Variants in SAE1 observed in about 807,000 individuals in gnomAD.
SAE1 encodes the protein SUMO-activating enzyme subunit 1.
A neutral mutation model predicts 40.6 loss-of-function variants in SAE1; 11 were observed. The ratio of observed to expected loss-of-function variants is 0.27; its 90% CI spans 0.17 to 0.45. The LOEUF (loss-of-function observed/expected upper bound fraction) is 0.45. Among genes scored for constraint, SAE1 ranks in the 20% least tolerant of loss-of-function variants. The pLI, the probability that SAE1 is intolerant of heterozygous loss-of-function variation, is 1.00. For synonymous variants in SAE1, 155 were observed against 154.3 expected (o/e 1.00, Z -0.03); for missense variants, 373 against 427.3 (o/e 0.87, Z 1.12).
chr19:47,136,738 C>T (rs1304696239), intron 1 of SAE1, among the ~76,000 whole-genome samples: 1 of 152,132 alleles, frequency 6.6e-6, no homozygotes, highest in African/African-American at 2.4e-5. Flanking sequence ...GATCCGCCCG[C>T]CTTGGCCTCC....
intron 5 of SAE1, among the ~76,000 whole-genome samples, chr19:47,159,936 C>T (rs899109947): frequency 1.3e-5 from 2 of 152,170 alleles, no homozygotes. Flanking sequence ...TCAAGTGATC[C>T]GCCCACTTTG....
chr19:47,179,973 T>C (rs2058496212), intron 6 of SAE1, among the ~76,000 whole-genome samples: 1 of 152,182 alleles, frequency 6.6e-6, no homozygotes, highest in African/African-American at 2.4e-5. Context: ...GTTTTCTTAT[T>C]GTCAGAAAAG....
intron 8 of SAE1, among the ~76,000 whole-genome samples, chr19:47,208,681 T>C (rs1179951092): frequency 6.6e-6 from 1 of 152,186 alleles, no homozygotes; most frequent in African/African-American, 2.4e-5. Context: ...CACTTCAGCC[T>C]CCCAGAGTGC....
chr19:47,182,144 C>T (rs965824721), intron 6 of SAE1, among the ~76,000 whole-genome samples: 1 of 152,056 alleles, frequency 6.6e-6, no homozygotes, highest in African/African-American at 2.4e-5. Flanking sequence ...CATTCACACT[C>T]CCAACTTTCC....
Position 47,160,388 on chromosome 19 carries a change from A to T in SAE1, c.627+5175A>T, listed in dbSNP as rs867201171. 3.3e-4 allele frequency among the ~76,000 whole-genome samples: 25 copies of T among 75,108 alleles called. 1 individual carries two copies. The highest frequency in any genetic ancestry group is 4.0e-4 in the Non-Finnish European group (15 of 37,630). 49.3% of individuals were successfully genotyped at this position (75,108 alleles called of 152,430 possible). ...AGGTGCGCGCCACCACGCCCAGCTA[A>T]TTTTTTTTTTTTTTTTTTTTTTTTG... On this transcript the variant is annotated intron_variant, in intron 5 of 8. Coordinates refer to ENST00000270225, the MANE Select transcript of SAE1 (RefSeq NM_005500.3).
chr19:47,177,963 C>A (rs1264433832), intron 6 of SAE1, among the ~76,000 whole-genome samples: 1 of 152,060 alleles, frequency 6.6e-6, no homozygotes, highest in African/African-American at 2.4e-5. Context: ...CAGAATCTGG[C>A]CAGGCGCGGT....
At chr19:47,138,770 C>G (rs928270569) in intron 1 of SAE1, among the ~76,000 whole-genome samples, 2 of 152,118 alleles carry the variant, frequency 1.3e-5, no homozygotes, top group Non-Finnish European at 2.9e-5. Flanking sequence ...ATCACTTGAG[C>G]CAGGCAATTG....
rs1343677349 is a variant in SAE1, at chr19:47,209,580, T to C, written c.*329T>C. ...TATGCTGTCCCGGCCTCGCCAGCCC[T>C]CTGGGGCATTGTGGGAGATGCCTGC... On this transcript the variant is annotated 3_prime_UTR_variant, in exon 9 of 9. Transcript: ENST00000270225. 5.3e-6 allele frequency: 2 copies of C among 377,994 alleles called. No homozygotes were observed. Among genetic ancestry groups the C allele is most frequent in the Non-Finnish European group, 9.5e-6 (2 of 210,556 alleles). 23.4% of individuals were successfully genotyped at this position (377,994 alleles called of 1,614,324 possible). A position where few individuals can be genotyped will look rare whatever the true frequency, so the allele number is the denominator to read the frequency against.
At chr19:47,142,023 C>T (rs565165351) in intron 1 of SAE1, among the ~76,000 whole-genome samples, 1 of 152,140 alleles carries the variant, frequency 6.6e-6, no homozygotes, top group Non-Finnish European at 1.5e-5. Context: ...TCAGAGAAGT[C>T]TTGGGATGGC....
chr19:47,176,352 G>A (rs754321335), intron 6 of SAE1, among the ~76,000 whole-genome samples: 4 of 152,190 alleles, frequency 2.6e-5, no homozygotes, highest in Non-Finnish European at 5.9e-5. Context: ...TGTGACTGAC[G>A]ATGCCTTAGG....
At chr19:47,172,019 AAC>A (rs1426013195) in intron 6 of SAE1, among the ~76,000 whole-genome samples, 1 of 152,048 alleles carries the variant, frequency 6.6e-6, no homozygotes, top group Non-Finnish European at 1.5e-5. Flanking sequence ...TCCCGGTTCA[AAC>A]AGTTTCCCCG....
At chr19:47,173,130 G>C (rs558268440) in intron 6 of SAE1, among the ~76,000 whole-genome samples, 2 of 152,234 alleles carry the variant, frequency 1.3e-5, no homozygotes, top group South Asian at 4.2e-4. Flanking sequence ...CTGGGTTCGA[G>C]CGATTCTACA....
At chr19:47,172,170 C>T (rs1600183955) in intron 6 of SAE1, among the ~76,000 whole-genome samples, 1 of 152,376 alleles carries the variant, frequency 6.6e-6, no homozygotes, top group Admixed American at 6.5e-5. Context: ...CCACCTGCCT[C>T]GGCCTCCCGA....
intron 6 of SAE1, among the ~76,000 whole-genome samples, chr19:47,190,550 CAAGT>C (rs1430061984): frequency 6.6e-6 from 1 of 152,126 alleles, no homozygotes; most frequent in Admixed American, 6.5e-5. Flanking sequence ...TGTTTTGCTG[CAAGT>C]AAGTGGCTGG....
chr19:47,130,840 G>A lies in SAE1; in HGVS notation c.-91G>A, dbSNP rs1006272704. 15 of 1,538,766 alleles carry A rather than the reference G, an allele frequency of 9.7e-6. No individual in the cohort carries two copies. The highest frequency in any genetic ancestry group is 1.3e-5 in the Non-Finnish European group (15 of 1,142,364). ...GTCTGCGCATGCGCAGAAGCACTCC[G>A]GGCGTGCTGCCGGCGGCGGTAGGTG... On this transcript the variant is annotated 5_prime_UTR_variant, in exon 1 of 9. Coordinates refer to ENST00000270225, the MANE Select transcript of SAE1 (RefSeq NM_005500.3).
At chr19:47,133,264 C>CTGGA (rs2123170578) in intron 1 of SAE1, among the ~76,000 whole-genome samples, 1 of 152,304 alleles carries the variant, frequency 6.6e-6, no homozygotes, top group Admixed American at 6.5e-5. Context: ...GTGGCCCAGG[C>CTGGA]TGGAGTGCAA....
chr19:47,178,622 G>A (rs1035912513), intron 6 of SAE1, among the ~76,000 whole-genome samples: 8 of 152,068 alleles, frequency 5.3e-5, no homozygotes, highest in African/African-American at 1.4e-4. Flanking sequence ...ACAGGCACAC[G>A]CCACCATGCC....
intron 6 of SAE1, among the ~76,000 whole-genome samples, chr19:47,176,754 G>A (rs1487270795): frequency 6.6e-6 from 1 of 152,200 alleles, no homozygotes; most frequent in Non-Finnish European, 1.5e-5. Flanking sequence ...TAATAAGTTA[G>A]TGGCCAGACT....
intron 5 of SAE1, among the ~76,000 whole-genome samples, chr19:47,167,406 A>AT (rs1388327577): frequency 6.7e-6 from 1 of 150,238 alleles, no homozygotes; most frequent in African/African-American, 2.5e-5. Flanking sequence ...CGCCTGGCTA[A>AT]TTTTTTTGTA....
Sources: allele counts gnomAD v4.1 joint callset (sites outside exome capture counted in the v4.1 genomes callset), GRCh38; gene constraint gnomAD v4.1.1; transcripts MANE v1.5; gene names NCBI Gene and HGNC (gene_info 2026-07-23, HGNC 2026-07-21).